Variants in PUM3 observed in about 807,000 individuals in gnomAD.
The protein encoded by PUM3 is pumilio homolog 3.
In PUM3, 91 loss-of-function variants were observed where a neutral mutation model predicts 84.0. The observed-to-expected ratio is 1.08, with a 90% CI of 0.91 to 1.29. The LOEUF (loss-of-function observed/expected upper bound fraction) is 1.29, where lower values mean the gene tolerates loss of function less well. PUM3 is among the 50% of genes most tolerant of loss of function. PUM3 has a pLI of 0.00. For synonymous variants in PUM3, 321 were observed against 266.7 expected (o/e 1.20, Z -1.98); for missense variants, 1,067 against 767.5 (o/e 1.39, Z -4.61).
intron 1 of PUM3, among the ~76,000 whole-genome samples, chr9:2,840,206 C>A (rs996890066): frequency 3.9e-5 from 6 of 152,202 alleles, no homozygotes; most frequent in African/African-American, 1.4e-4. Context: ...ACCGTGTTCA[C>A]TTGGTCAAAG....
chr9:2,810,973 C>T (rs1034966474), intron 15 of PUM3, among the ~76,000 whole-genome samples: 1 of 152,194 alleles, frequency 6.6e-6, no homozygotes, highest in Non-Finnish European at 1.5e-5. Context: ...TGGGAGGCAA[C>T]CGGCTCAGTC....
intron 9 of PUM3, 81 bp downstream of exon 9, chr9:2,828,594 C>T (rs978580898): frequency 9.8e-6 from 8 of 817,242 alleles, no homozygotes; most frequent in African/African-American, 3.4e-5. Flanking sequence ...GAAATAGCTA[C>T]CTCTTCTGGG....
intron 13 of PUM3, among the ~76,000 whole-genome samples, chr9:2,818,078 C>G (rs1488812007): frequency 6.6e-6 from 1 of 152,236 alleles, no homozygotes; most frequent in Non-Finnish European, 1.5e-5. Context: ...GTCTGGTGCC[C>G]TGAACAGAGT....
At chr9:2,819,737 T>C (rs1821548183) in intron 13 of PUM3, among the ~76,000 whole-genome samples, 2 of 152,214 alleles carry the variant, frequency 1.3e-5, no homozygotes, top group Non-Finnish European at 2.9e-5. Flanking sequence ...ATCACGTATG[T>C]TCTAAAGTAC....
At chr9:2,835,027 A>AC (rs1816085063) in intron 3 of PUM3, among the ~76,000 whole-genome samples, 1 of 151,278 alleles carries the variant, frequency 6.6e-6, no homozygotes, top group Non-Finnish European at 1.5e-5. Context: ...AAAAAAAAAA[A>AC]AGAAAAGAAA....
At chr9:2,805,290 C>T (rs1306961315) in intron 17 of PUM3, among the ~76,000 whole-genome samples, 1 of 152,156 alleles carries the variant, frequency 6.6e-6, no homozygotes, top group East Asian at 1.9e-4. Flanking sequence ...AGTACTCTAT[C>T]AGAAGTGAAA....
In PUM3 at chr9:2,837,346, A is replaced by G. The variant is rs769122738; in HGVS notation, c.138T>C (p.Pro46=). The part of the protein sequence containing the change: ...PTRKVAKEGG[P]KVTSRNFEKS... ...TCTCAAAGTTCCTAGATGTGACTTT[A>G]GGTCCACCTTCTTTAGCAACTTTCC... The change falls in exon 3 of 18, where the codon CCT becomes CCC. Residue 46 remains proline (P), a synonymous_variant. Coordinates refer to ENST00000397885, the MANE Select transcript of PUM3 (RefSeq NM_014878.5). 8 of 1,614,002 alleles carry G rather than the reference A, an allele frequency of 5.0e-6. No individual in the cohort carries two copies. The Admixed American group carries it at 1.3e-4, about 27-fold the overall frequency.
chr9:2,819,517 A>G (rs900794308), intron 13 of PUM3, among the ~76,000 whole-genome samples: 3 of 152,168 alleles, frequency 2.0e-5, no homozygotes, highest in Non-Finnish European at 2.9e-5. Flanking sequence ...AGTTTTGTAC[A>G]TTTCTCTTCT....
At chr9:2,820,750 T>C (rs957860024) in intron 12 of PUM3, among the ~76,000 whole-genome samples, 1 of 152,232 alleles carries the variant, frequency 6.6e-6, no homozygotes, top group African/African-American at 2.4e-5. Flanking sequence ...GATATAAAAA[T>C]CATTACTTTA....
chr9:2,809,962 T>A (rs1273975674), intron 16 of PUM3, among the ~76,000 whole-genome samples: 2 of 152,148 alleles, frequency 1.3e-5, no homozygotes, highest in African/African-American at 4.8e-5. Flanking sequence ...CATGCCTTTC[T>A]ACTGAGGTAA....
intron 15 of PUM3, among the ~76,000 whole-genome samples, chr9:2,810,737 C>T (rs1563825516): frequency 2.6e-5 from 4 of 152,180 alleles, no homozygotes; most frequent in Admixed American, 2.0e-4. Context: ...ATGCTAATCA[C>T]GTCTTGGATT....
intron 13 of PUM3, among the ~76,000 whole-genome samples, chr9:2,818,164 G>A (rs1821512430): frequency 1.3e-5 from 2 of 152,204 alleles, no homozygotes; most frequent in African/African-American, 2.4e-5. Flanking sequence ...GTGGATGAGT[G>A]ATGGGAAAAA....
In PUM3 at chr9:2,812,378, C is replaced by CA. The variant is rs568234761; in HGVS notation, c.1270-17dup. On this transcript the variant is annotated splice_polypyrimidine_tract_variant and intron_variant, in intron 13 of 17. Coordinates refer to ENST00000397885, the MANE Select transcript of PUM3 (RefSeq NM_014878.5). ...TGATAATTTCCTATAAAATTATAAA[C>CA]AAAAAAAAAGAATCAATATCTGCAT... 821 of 1,468,964 alleles carry CA rather than the reference C, an allele frequency of 5.6e-4. 1 individual carries two copies. Among genetic ancestry groups the CA allele is most frequent in the Non-Finnish European group, 6.5e-4 (699 of 1,075,408 alleles). The allele number at this position is 1,468,964 out of a possible 1,614,324, so 91.0% of individuals were successfully genotyped here.
At position 2,824,786 on chromosome 9, in the gene PUM3, C is replaced by T; in HGVS notation, c.1065G>A (p.Val355=). Residue 355 remains valine (V), a synonymous_variant, in exon 11 of 18, where the codon GTG becomes GTA. Coordinates refer to ENST00000397885, the MANE Select transcript of PUM3 (RefSeq NM_014878.5). ...CATCGTGTGTGTGTGCCAGGTAGACCACCGCTTCGCGGATGGCTTCAATCA... is the reference window on the plus strand; with the variant it reads ...CATCGTGTGTGTGTGCCAGGTAGACTACCGCTTCGCGGATGGCTTCAATCA... ...SEMIEAIREA[V]VYLAHTHDGA... 8 of 1,580,108 alleles carry T rather than the reference C, an allele frequency of 5.1e-6. No homozygotes were observed. Among genetic ancestry groups the T allele is most frequent in the Non-Finnish European group, 6.9e-6 (8 of 1,158,018 alleles).
At chr9:2,829,408 C>A (rs146317447) in intron 8 of PUM3, among the ~76,000 whole-genome samples, 38 of 152,334 alleles carry the variant, frequency 2.5e-4, no homozygotes, top group East Asian at 1.9e-3. Flanking sequence ...AAGCTAGCAA[C>A]AGAGAGCCCA....
chr9:2,821,643 A>C (rs1056804577), intron 12 of PUM3, among the ~76,000 whole-genome samples: 3 of 152,140 alleles, frequency 2.0e-5, no homozygotes, highest in African/African-American at 7.2e-5. Context: ...AAAAGCAGGC[A>C]CGCTTTTATG....
At chr9:2,809,771 C>G (rs796932410) in intron 16 of PUM3, among the ~76,000 whole-genome samples, 2 of 152,156 alleles carry the variant, frequency 1.3e-5, no homozygotes, top group African/African-American at 4.8e-5. Flanking sequence ...CTGTCCTTCT[C>G]TAGAGAGCTG....
intron 1 of PUM3, among the ~76,000 whole-genome samples, chr9:2,841,982 C>T (rs1020721028): frequency 6.6e-6 from 1 of 152,210 alleles, no homozygotes; most frequent in African/African-American, 2.4e-5. Context: ...TCCCCTGGTA[C>T]AGCTCCTTTG....
intron 16 of PUM3, among the ~76,000 whole-genome samples, chr9:2,810,095 AG>A (rs1821333459): frequency 1.1e-4 from 1 of 8,856 alleles, no homozygotes; most frequent in South Asian, 3.2e-3. Context: ...AGAGAGAGTG[AG>A]GGGGCGGTGG....
Sources: allele counts gnomAD v4.1 joint callset (sites outside exome capture counted in the v4.1 genomes callset), GRCh38; gene constraint gnomAD v4.1.1; transcripts MANE v1.5; gene names NCBI Gene and HGNC (gene_info 2026-07-23, HGNC 2026-07-21).